ANKRD28: variants seen among roughly 807,000 people sequenced by gnomAD.
ANKRD28 encodes the protein ankyrin repeat domain 28.
ANKRD28 carries 44 observed loss-of-function variants against 126.5 expected under a neutral mutation model. That is an observed-to-expected ratio of 0.35 (90% CI 0.27 to 0.45). The LOEUF (loss-of-function observed/expected upper bound fraction) is 0.45. ANKRD28 is among the 20% of genes least tolerant of loss of function. ANKRD28 has a pLI of 1.00. For synonymous variants in ANKRD28, 442 were observed against 468.5 expected, an observed-to-expected ratio of 0.94 and a Z score of 0.73; for missense variants, 1,110 against 1,316.6, an observed-to-expected ratio of 0.84 and a Z score of 2.43.
At chr3:15,761,973 G>GA (rs1224131929) in intron 3 of ANKRD28, among the ~76,000 whole-genome samples, 47 of 152,012 alleles carry the variant, frequency 3.1e-4, no homozygotes, top group African/African-American at 9.9e-4. Flanking sequence ...ATCACCTGGG[G>GA]TCAGGAGTTC....
At chr3:15,822,329 G>A (rs2125913834) in intron 1 of ANKRD28, among the ~76,000 whole-genome samples, 1 of 152,250 alleles carries the variant, frequency 6.6e-6, no homozygotes, top group African/African-American at 2.4e-5. Flanking sequence ...AGGCATTTAG[G>A]AAAACCTCTG....
At position 15,828,953 on chromosome 3, in the gene ANKRD28, G is replaced by T. The variant is rs150327261; in HGVS notation, c.27+30424C>A. On this transcript the variant is annotated intron_variant, in intron 1 of 27. Coordinates refer to the ANKRD28 transcript ENST00000399451. ...CCAGAACTTTCCAACAAAGCCCAAGGAATTTAAATCTCCTAGCCTGTAGTA... is the reference window on the plus strand; with the variant it reads ...CCAGAACTTTCCAACAAAGCCCAAGTAATTTAAATCTCCTAGCCTGTAGTA... Among the ~76,000 whole-genome samples, 646 of 152,220 alleles carry T rather than the reference G, an allele frequency of 4.2e-3. 5 individuals carry two copies. The highest frequency in any genetic ancestry group is 0.019 in the East Asian group (101 of 5,188).
chr3:15,842,074 TA>T (rs2061434926), intron 1 of ANKRD28, among the ~76,000 whole-genome samples: 1 of 148,162 alleles, frequency 6.7e-6, no homozygotes, highest in South Asian at 2.1e-4. Context: ...TTTTATTTTA[TA>T]ATTTTTATAT....
rs999290708 is a variant in ANKRD28 at position 15,686,333 on chromosome 3, T to A, written c.1964-24A>T. On this transcript the variant is annotated intron_variant, in intron 18 of 27. Coordinates refer to ENST00000683139, the MANE Select transcript of ANKRD28 (RefSeq NM_001349278.2). The stretch of plus-strand genomic sequence containing the variant: ...TGCTGTAAAGTGAAATTTAAACATT[T>A]CAGTAATTACATATAATGATAAAAT... 2.0e-6 allele frequency: 3 copies of A among 1,484,936 alleles called. No homozygotes were observed. In the African/African-American group the frequency reaches 4.2e-5, roughly 21 times the overall value. The allele number at this position is 1,484,936 out of a possible 1,614,324, so 92.0% of individuals were successfully genotyped here. A position where few individuals can be genotyped will look rare whatever the true frequency, so the allele number is the denominator to read the frequency against.
rs1321736486 is a variant in ANKRD28 at position 15,839,224 on chromosome 3, CAA to C, written c.27+20151_27+20152del. 4.0e-5 allele frequency among the ~76,000 whole-genome samples: 6 copies of C among 151,576 alleles called. No homozygotes were observed. Among genetic ancestry groups the C allele is most frequent in the South Asian group, 2.1e-4 (1 of 4,812 alleles). ...AAATTTACTGAAAACAAATTGCACT[CAA>C]GACATTTTATGAATTTTATGGTATA... is the stretch of plus-strand genomic sequence containing the variant. On this transcript the variant is annotated intron_variant, in intron 1 of 27. Coordinates refer to the ANKRD28 transcript ENST00000399451. The surrounding 1 kb of genome is among the most constrained non-coding windows in gnomAD (Gnocchi z 4.3).
intron 27 of ANKRD28, among the ~76,000 whole-genome samples, chr3:15,673,101 C>T (rs2066551218): frequency 6.6e-6 from 1 of 152,214 alleles, no homozygotes; most frequent in African/African-American, 2.4e-5. Context: ...ACATGCCACT[C>T]TCTTTGCTTA....
At chr3:15,808,755 TTTTG>T (rs140858088) in intron 1 of ANKRD28, among the ~76,000 whole-genome samples, 12,149 of 152,080 alleles carry the variant, frequency 0.08, 829 homozygotes, top group African/African-American at 0.18. Flanking sequence ...CTACCACTCC[TTTTG>T]TTTGTTTGTT....
At position 15,690,120 on chromosome 3, in the gene ANKRD28, G is replaced by A; in HGVS notation, c.1862C>T (p.Ala621Val). The change falls in exon 18 of 28, where the codon GCT (alanine) becomes GTT (valine). Residue 621 changes from alanine (A) to valine (V), a missense_variant. Physicochemically the swap from Ala to Val is moderately conservative, Grantham distance 64. Coordinates refer to ENST00000683139, the MANE Select transcript of ANKRD28 (RefSeq NM_001349278.2). ...SSGRTPLDLAAFKGHVECVDV... is the reference protein window; with the variant it reads ...SSGRTPLDLAVFKGHVECVDV... ...CACACATTCAACATGGCCCTTAAAAGCTGCAAGATCTAGGGGTGTTCTTCC... is the reference window on the plus strand; with the variant it reads ...CACACATTCAACATGGCCCTTAAAAACTGCAAGATCTAGGGGTGTTCTTCC... 1 of 1,611,508 alleles carries A rather than the reference G, an allele frequency of 6.2e-7. No individual in the cohort carries two copies. Among genetic ancestry groups the A allele is most frequent in the South Asian group, 1.1e-5 (1 of 90,386 alleles).
chr3:15,818,447 T>C (rs2060878214), intron 1 of ANKRD28, among the ~76,000 whole-genome samples: 1 of 152,354 alleles, frequency 6.6e-6, no homozygotes, highest in South Asian at 2.1e-4. Flanking sequence ...ATTTCGTGTT[T>C]AGACTTGGGT....
chr3:15,842,956 G>A (rs936371546), intron 1 of ANKRD28, among the ~76,000 whole-genome samples: 3 of 152,154 alleles, frequency 2.0e-5, no homozygotes, highest in Non-Finnish European at 4.4e-5. Flanking sequence ...GCCTTGTTAA[G>A]GCTAAATTAT....
chr3:15,743,586 ACACACACG>A (rs1034344389), intron 4 of ANKRD28, among the ~76,000 whole-genome samples: 3 of 145,916 alleles, frequency 2.1e-5, no homozygotes, highest in African/African-American at 7.6e-5. Flanking sequence ...ACACACACAC[ACACACACG>A]CACACCAAAA....
intron 20 of ANKRD28, 39 bp downstream of exon 20, chr3:15,685,963 T>C (rs1315194344): frequency 3.9e-6 from 6 of 1,533,050 alleles, no homozygotes; most frequent in Non-Finnish European, 4.5e-6. Flanking sequence ...TATGAGGTCA[T>C]AAAAGCTTTT....
rs1211919362 is a variant in ANKRD28 at position 15,838,239 on chromosome 3, T to C, written c.27+21138A>G. ...TCACAAACTCATCTAGATACTTCAA[T>C]AGAAAACACTTTCTAATTCCCTCCA... On this transcript the variant is annotated intron_variant, in intron 1 of 27. Transcript: ENST00000399451. The surrounding 1 kb of genome is among the most constrained non-coding windows in gnomAD (Gnocchi z 4.0). 6.6e-6 allele frequency among the ~76,000 whole-genome samples: 1 copy of C among 152,194 alleles called. No individual in the cohort carries two copies. Among genetic ancestry groups the C allele is most frequent in the South Asian group, 2.1e-4 (1 of 4,838 alleles).
At chr3:15,691,283 C>T (rs145562027) in intron 17 of ANKRD28, among the ~76,000 whole-genome samples, 337 of 152,114 alleles carry the variant, frequency 2.2e-3, no homozygotes, top group African/African-American at 7.8e-3. Context: ...GCCACCATGC[C>T]CCAGCTAATT....
chr3:15,751,988 A>G (rs571090036), intron 3 of ANKRD28, among the ~76,000 whole-genome samples, 168 bp from the exon 4 acceptor site: 109 of 152,252 alleles, frequency 7.2e-4, no homozygotes, highest in African/African-American at 2.6e-3. Flanking sequence ...ATAAAACAAA[A>G]TTAGCCTTTT....
At chr3:15,741,288 G>T (rs1336707846) in intron 4 of ANKRD28, among the ~76,000 whole-genome samples, 1 of 152,030 alleles carries the variant, frequency 6.6e-6, no homozygotes, top group African/African-American at 2.4e-5. Flanking sequence ...AATCCCTAAA[G>T]GTTGGAGACA....
intron 14 of ANKRD28, among the ~76,000 whole-genome samples, chr3:15,699,053 A>C (rs2070132419): frequency 6.6e-6 from 1 of 152,202 alleles, no homozygotes; most frequent in Non-Finnish European, 1.5e-5. Context: ...ATATAGAACA[A>C]TGGAACAGAA....
chr3:15,683,191 A>C (rs2067723179), intron 21 of ANKRD28, among the ~76,000 whole-genome samples: 1 of 152,096 alleles, frequency 6.6e-6, no homozygotes, highest in Non-Finnish European at 1.5e-5. Flanking sequence ...CTTCAGGGAT[A>C]TATTTTTTTA....
chr3:15,811,160 T>C (rs959936762), intron 1 of ANKRD28, among the ~76,000 whole-genome samples: 2 of 152,208 alleles, frequency 1.3e-5, no homozygotes, highest in African/African-American at 4.8e-5. Flanking sequence ...TCAGAGTAAG[T>C]TGTTAAGGGA....
Sources: allele counts gnomAD v4.1 joint callset (sites outside exome capture counted in the v4.1 genomes callset), GRCh38; gene constraint gnomAD v4.1.1; non-coding constraint Gnocchi (gnomAD v3.1); transcripts MANE v1.5; gene names NCBI Gene and HGNC (gene_info 2026-07-23, HGNC 2026-07-21).